BMP7: variants seen among roughly 807,000 people sequenced by gnomAD.
The protein encoded by BMP7 is bone morphogenetic protein 7, also known as osteogenic protein 1.
Under a neutral mutation model 41.2 loss-of-function variants are expected in BMP7, and 12 were observed. The ratio of observed to expected loss-of-function variants is 0.29; its 90% confidence interval spans 0.19 to 0.47. The LOEUF (loss-of-function observed/expected upper bound fraction) is 0.47, where lower values mean the gene tolerates loss of function less well. BMP7 is among the 20% of genes least tolerant of loss of function. The probability of loss-of-function intolerance (pLI) is 0.99; values close to 1 mark genes in which losing one functional copy is unlikely to be tolerated. For missense variants in BMP7, 467 were observed against 606.0 expected, an observed-to-expected ratio of 0.77 and a Z score of 2.41; for synonymous variants, 248 against 250.0, an observed-to-expected ratio of 0.99 and a Z score of 0.07.
chr20:57,231,706 C>T (rs1318366812), intron 1 of BMP7, among the ~76,000 whole-genome samples: 5 of 152,326 alleles, frequency 3.3e-5, no homozygotes, highest in Middle Eastern at 3.4e-3. Flanking sequence ...GAGGGTTGCT[C>T]CCACAATCAT....
chr20:57,263,451 A>G (rs1022522500), intron 1 of BMP7, among the ~76,000 whole-genome samples: 6 of 152,244 alleles, frequency 3.9e-5, no homozygotes, highest in African/African-American at 1.4e-4. Flanking sequence ...GCACCCTCCG[A>G]GCAACCTGGT....
intron 2 of BMP7, among the ~76,000 whole-genome samples, chr20:57,217,487 C>A (rs1985059899): frequency 6.6e-6 from 1 of 152,184 alleles, no homozygotes; most frequent in Non-Finnish European, 1.5e-5. Context: ...GTCTGGGGAC[C>A]CCGTGTGGCT....
Position 57,183,886 on chromosome 20 carries a change from A to C in BMP7, c.794T>G (p.Ile265Ser), listed in dbSNP as rs1425293454. 1 of 1,613,990 alleles carries C rather than the reference A, an allele frequency of 6.2e-7. No homozygotes were observed. The highest frequency in any genetic ancestry group is 1.3e-5 in the African/African-American group (1 of 74,934). Reference sequence around the variant, plus strand: ...CTTGTTCTGGGGCCCGTGCCGCCCAATCAGGCCCGCCAACTTGGGGTTGAT... The same window carrying C: ...CTTGTTCTGGGGCCCGTGCCGCCCACTCAGGCCCGCCAACTTGGGGTTGAT... ...QSINPKLAGL[I>S]GRHGPQNKQP... Residue 265 changes from isoleucine to serine, a missense_variant, in exon 4 of 7, where the codon ATT (isoleucine) becomes AGT (serine). Physicochemically the swap from Ile to Ser is moderately radical, Grantham distance 142 (BLOSUM62 -2). Coordinates refer to ENST00000395863, the MANE Select transcript of BMP7 (RefSeq NM_001719.3).
intron 1 of BMP7, among the ~76,000 whole-genome samples, chr20:57,238,739 A>G (rs1005861379): frequency 6.6e-6 from 1 of 152,128 alleles, no homozygotes; most frequent in Admixed American, 6.5e-5. Context: ...GCAGCTCCAC[A>G]TGGCTGGGGA....
intron 2 of BMP7, among the ~76,000 whole-genome samples, chr20:57,202,900 C>T (rs544988590): frequency 4.6e-5 from 7 of 152,146 alleles, no homozygotes; most frequent in Non-Finnish European, 7.4e-5. Context: ...GGCATCCCAG[C>T]GGGACAGAGT....
intron 1 of BMP7, among the ~76,000 whole-genome samples, chr20:57,232,691 G>T (rs2066033647): frequency 6.6e-6 from 1 of 152,134 alleles, no homozygotes; most frequent in Non-Finnish European, 1.5e-5. Context: ...AACATTTGTG[G>T]GCTCTTTGGT....
intron 2 of BMP7, among the ~76,000 whole-genome samples, chr20:57,225,165 C>T (rs921561801): frequency 2.6e-5 from 4 of 152,164 alleles, no homozygotes; most frequent in Non-Finnish European, 4.4e-5. Flanking sequence ...TGTGCGGGCC[C>T]AGGTTGGGGA....
intron 3 of BMP7, among the ~76,000 whole-genome samples, chr20:57,201,824 T>C (rs1487271577): frequency 6.6e-6 from 1 of 152,314 alleles, no homozygotes; most frequent in East Asian, 1.9e-4. Flanking sequence ...TCACCATCCT[T>C]CCTTCTTCCC....
intron 1 of BMP7, among the ~76,000 whole-genome samples, chr20:57,263,405 G>T (rs1042499899): frequency 2.0e-5 from 3 of 152,162 alleles, no homozygotes; most frequent in Admixed American, 6.5e-5. Context: ...CTGCCGCCAT[G>T]GGGGGAGCAA....
intron 3 of BMP7, among the ~76,000 whole-genome samples, chr20:57,189,618 C>T (rs948268372): frequency 2.6e-5 from 4 of 152,202 alleles, no homozygotes; most frequent in East Asian, 1.9e-4. Context: ...ATTTCCACGT[C>T]GATGAAACAC....
intron 3 of BMP7, among the ~76,000 whole-genome samples, chr20:57,199,472 G>T (rs191009758): frequency 7.2e-5 from 11 of 152,250 alleles, no homozygotes; most frequent in African/African-American, 2.6e-4. Context: ...ATTTGCCCAC[G>T]GAAACAAAAC....
At chr20:57,178,683 C>T (rs1274797723) in intron 4 of BMP7, among the ~76,000 whole-genome samples, 1 of 152,282 alleles carries the variant, frequency 6.6e-6, no homozygotes, top group South Asian at 2.1e-4. Flanking sequence ...CCTCCACGAG[C>T]CTCCTCCCTC....
At chr20:57,206,205 G>A (rs115372010) in intron 2 of BMP7, among the ~76,000 whole-genome samples, 4,791 of 152,208 alleles carry the variant, frequency 0.031, 88 homozygotes, top group Non-Finnish European at 0.043. Flanking sequence ...GCCCAGCCCA[G>A]GTGAGAGAAG....
Position 57,170,485 on chromosome 20 carries a change from G to A in BMP7, c.*474C>T, listed in dbSNP as rs1173274922. 5 of 263,726 alleles carry A rather than the reference G, an allele frequency of 1.9e-5. No homozygotes were observed. Among genetic ancestry groups the A allele is most frequent in the Non-Finnish European group, 2.2e-5 (3 of 134,366 alleles). 16.3% of individuals were successfully genotyped at this position (263,726 alleles called of 1,614,324 possible). ...TTGTTTAGGAAAATATATCTGTAAC[G>A]TCCTAACCATTTTCATTCATTCGTT... is the stretch of plus-strand genomic sequence containing the variant. On this transcript the variant is annotated 3_prime_UTR_variant, in exon 7 of 7. Transcript: ENST00000395863.
Position 57,261,980 on chromosome 20 carries a change from A to G in BMP7, c.418+3725T>C, listed in dbSNP as rs1279730836. 6.6e-6 allele frequency among the ~76,000 whole-genome samples: 1 copy of G among 152,220 alleles called. No individual in the cohort carries two copies. Among genetic ancestry groups the G allele is most frequent in the East Asian group, 1.9e-4 (1 of 5,200 alleles). On this transcript the variant is annotated intron_variant, in intron 1 of 6. Coordinates refer to ENST00000395863, the MANE Select transcript of BMP7 (RefSeq NM_001719.3). The surrounding 1 kb of genome is among the most constrained non-coding windows in gnomAD (Gnocchi z 4.1). ...CTTCTCCCTACTCTTCAGCTACATT[A>G]ACAAAAGCCACTTTTATAGGCTGAC...
chr20:57,228,200 C>G lies in BMP7; in HGVS notation c.611+29G>C, dbSNP rs1167271521. 1.2e-6 allele frequency: 2 copies of G among 1,610,508 alleles called. No homozygotes were observed. Among genetic ancestry groups the G allele is most frequent in the Non-Finnish European group, 1.7e-6 (2 of 1,178,236 alleles). The stretch of plus-strand genomic sequence containing the variant: ...CTCTGCCCCCAGAGGAAACTCAGCA[C>G]CTCTCCCAGATACCCGTATAGCACC... On this transcript the variant is annotated intron_variant, in intron 2 of 6. Transcript: ENST00000395863. This position sits in a 1 kb window ranked among gnomAD's most constrained non-coding sequence, Gnocchi z 4.5.
At chr20:57,262,093 A>G (rs925184343) in intron 1 of BMP7, among the ~76,000 whole-genome samples, 6 of 152,218 alleles carry the variant, frequency 3.9e-5, no homozygotes, top group Non-Finnish European at 7.3e-5. Flanking sequence ...CCAGAGATAA[A>G]CATGATGACT....
chr20:57,240,531 T>G (rs1194666788), intron 1 of BMP7, among the ~76,000 whole-genome samples: 2 of 152,234 alleles, frequency 1.3e-5, no homozygotes, highest in African/African-American at 2.4e-5. Context: ...CACTTCCACA[T>G]TTTTGGGTAT....
At chr20:57,242,936 G>A (rs553996816) in intron 1 of BMP7, among the ~76,000 whole-genome samples, 1 of 152,268 alleles carries the variant, frequency 6.6e-6, no homozygotes, top group African/African-American at 2.4e-5. Flanking sequence ...CCAGGAGGCG[G>A]AGGTTGCAGT....
Sources: gnomAD v4.1 joint callset for allele counts (sites outside exome capture counted in the v4.1 genomes callset) on GRCh38, gnomAD v4.1.1 for gene constraint, Gnocchi (gnomAD v3.1) non-coding constraint, MANE v1.5 for transcripts, NCBI Gene and HGNC (gene_info 2026-07-23, HGNC 2026-07-21) for gene names.